ITGA9: variants seen among roughly 807,000 people sequenced by gnomAD.
The protein encoded by ITGA9 is integrin subunit alpha 9, also known as integrin alpha-9.
ITGA9 carries 56 observed loss-of-function variants against 127.8 expected under a neutral mutation model. The ratio of observed to expected loss-of-function variants is 0.44; its 90% CI spans 0.35 to 0.55. ITGA9 has a LOEUF of 0.55. ITGA9 is among the 20% of genes least tolerant of loss of function. The pLI, the probability that ITGA9 is intolerant of heterozygous loss-of-function variation, is 0.00. For missense variants in ITGA9, 1,196 were observed against 1,347.1 expected (o/e 0.89, Z 1.76); for synonymous variants, 508 against 514.5 (o/e 0.99, Z 0.17).
chr3:37,491,437 G>A (rs896588694), intron 4 of ITGA9, among the ~76,000 whole-genome samples: 3 of 152,234 alleles, frequency 2.0e-5, no homozygotes, highest in Admixed American at 1.3e-4. Context: ...TGTCCCTGGG[G>A]GCATTTGGAG....
intron 15 of ITGA9, chr3:37,585,575 A>G: frequency 2.0e-6 from 1 of 509,360 alleles, no homozygotes; most frequent in Non-Finnish European, 3.9e-6. Context: ...TTTCTCTAGC[A>G]ATTATGGGGG....
chr3:37,790,546 A>G (rs919108882), intron 26 of ITGA9: 2 of 231,728 alleles, frequency 8.6e-6, no homozygotes, highest in Non-Finnish European at 1.7e-5. Flanking sequence ...GTGATTCTTT[A>G]TATCTTTTAT....
At chr3:37,613,478 C>T (rs1700043956) in intron 15 of ITGA9, among the ~76,000 whole-genome samples, 1 of 152,140 alleles carries the variant, frequency 6.6e-6, no homozygotes, top group Non-Finnish European at 1.5e-5. Context: ...GGTATATACC[C>T]AGTAATGGGA....
At chr3:37,780,172 G>A in intron 25 of ITGA9, 151 bp downstream of exon 25, 1 of 867,064 alleles carries the variant, frequency 1.2e-6, no homozygotes, top group Non-Finnish European at 1.9e-6. Flanking sequence ...GTCTACAAGA[G>A]ACTGTTTTTA....
At chr3:37,543,295 A>T (rs1012228704) in intron 15 of ITGA9, among the ~76,000 whole-genome samples, 5 of 152,074 alleles carry the variant, frequency 3.3e-5, no homozygotes, top group Non-Finnish European at 5.9e-5. Context: ...CAGAGAGCGG[A>T]GGAGGTGGAA....
At chr3:37,638,501 G>A (rs1390596141) in intron 16 of ITGA9, among the ~76,000 whole-genome samples, 1 of 151,692 alleles carries the variant, frequency 6.6e-6, no homozygotes, top group African/African-American at 2.4e-5. Context: ...CTCAGTTTGA[G>A]GAGGAGGAAA....
chr3:37,661,016 A>G (rs1302458625), intron 17 of ITGA9, among the ~76,000 whole-genome samples: 1 of 152,226 alleles, frequency 6.6e-6, no homozygotes, highest in Non-Finnish European at 1.5e-5. Flanking sequence ...TCTATTGGCC[A>G]CAGCAAGTCA....
At chr3:37,547,956 A>G (rs918323646) in intron 15 of ITGA9, among the ~76,000 whole-genome samples, 1 of 152,148 alleles carries the variant, frequency 6.6e-6, no homozygotes, top group African/African-American at 2.4e-5. Context: ...AAATATAGAA[A>G]TCTGTGTGTG....
chr3:37,593,443 T>C (rs1192485518), intron 15 of ITGA9, among the ~76,000 whole-genome samples: 1 of 152,216 alleles, frequency 6.6e-6, no homozygotes, highest in East Asian at 1.9e-4. Flanking sequence ...ATTAATTTGC[T>C]CACAGTTTTG....
intron 15 of ITGA9, among the ~76,000 whole-genome samples, chr3:37,591,030 GC>G (rs1699812661): frequency 6.6e-6 from 1 of 152,142 alleles, no homozygotes. Context: ...GGGAGGCCCT[GC>G]CCATGGGAGA....
chr3:37,785,116 C>G (rs753454976), intron 26 of ITGA9, 38 bp downstream of exon 26: 1 of 1,416,062 alleles, frequency 7.1e-7, no homozygotes, highest in Admixed American at 1.7e-5. Context: ...CCTCAGAGGG[C>G]AAGGGAAGCT....
Position 37,820,955 on chromosome 3 carries a change from TACTC to T in ITGA9, c.*1969_*1972del, listed in dbSNP as rs1455443049. Reference sequence around the variant, plus strand: ...ATTTTTAATACACATACTTGGCTAATACTCACAAACATATCTAAAGTTTTGGCAA... The same window carrying T: ...ATTTTTAATACACATACTTGGCTAATACAAACATATCTAAAGTTTTGGCAA... On this transcript the variant is annotated 3_prime_UTR_variant, in exon 28 of 28. Transcript: ENST00000264741. The T allele has an allele frequency of 1.3e-5, 2 of 152,340 alleles. No individual in the cohort carries two copies. Among genetic ancestry groups the T allele is most frequent in the African/African-American group, 4.8e-5 (2 of 41,580 alleles). The allele number at this position is 152,340 out of a possible 1,614,324, so 9.4% of individuals were successfully genotyped here.
intron 18 of ITGA9, among the ~76,000 whole-genome samples, chr3:37,701,634 G>A (rs1358475615): frequency 2.6e-5 from 4 of 152,202 alleles, no homozygotes; most frequent in African/African-American, 9.7e-5. Flanking sequence ...GGGCAGAGCA[G>A]TTTTATGACA....
intron 9 of ITGA9, among the ~76,000 whole-genome samples, chr3:37,515,571 C>T (rs941672726): frequency 2.0e-5 from 3 of 152,208 alleles, no homozygotes; most frequent in African/African-American, 7.2e-5. Context: ...AACCCTGTCT[C>T]TACTAAAAAC....
Position 37,535,662 on chromosome 3 carries a change from A to C in ITGA9, c.1528+2194A>C, listed in dbSNP as rs544318099. On this transcript the variant is annotated intron_variant, in intron 14 of 27. Coordinates refer to ENST00000264741, the MANE Select transcript of ITGA9 (RefSeq NM_002207.3). ...CCATTCAGCACCAGTGTACCCTCCCATTAATTTCTCTTCCCTATCCTCCAT... is the reference window on the plus strand; with the variant it reads ...CCATTCAGCACCAGTGTACCCTCCCCTTAATTTCTCTTCCCTATCCTCCAT... 3.9e-5 allele frequency among the ~76,000 whole-genome samples: 6 copies of C among 152,264 alleles called. No homozygotes were observed. In the East Asian group the frequency reaches 5.8e-4, roughly 15 times the overall value.
chr3:37,682,985 C>T (rs532654548), intron 17 of ITGA9, among the ~76,000 whole-genome samples: 14 of 152,284 alleles, frequency 9.2e-5, no homozygotes, highest in South Asian at 4.1e-4. Context: ...ATAGCCAATG[C>T]GAGCCTCCTT....
At chr3:37,582,673 C>T (rs952631498) in intron 15 of ITGA9, among the ~76,000 whole-genome samples, 1 of 152,136 alleles carries the variant, frequency 6.6e-6, no homozygotes, top group Non-Finnish European at 1.5e-5. Context: ...TTAGTGGGTT[C>T]TGTACAATCC....
chr3:37,608,629 G>A (rs1480207792), intron 15 of ITGA9, among the ~76,000 whole-genome samples: 2 of 152,156 alleles, frequency 1.3e-5, no homozygotes, highest in Non-Finnish European at 2.9e-5. Context: ...AAATCGTGCT[G>A]TGTTTAAAGT....
At chr3:37,753,434 G>A (rs1180669115) in intron 23 of ITGA9, among the ~76,000 whole-genome samples, 1 of 152,222 alleles carries the variant, frequency 6.6e-6, no homozygotes, top group African/African-American at 2.4e-5. Flanking sequence ...ACCTCTTCAA[G>A]TCAGGGCTTA....
Sources: gnomAD v4.1 joint callset for allele counts (sites outside exome capture counted in the v4.1 genomes callset) on GRCh38, gnomAD v4.1.1 for gene constraint, MANE v1.5 for transcripts, NCBI Gene and HGNC (gene_info 2026-07-23, HGNC 2026-07-21) for gene names.